SUN1: variants seen among roughly 807,000 people sequenced by gnomAD.
The protein encoded by SUN1 is Sad1 and UNC84 domain containing 1.
SUN1 carries 61 observed loss-of-function variants against 103.2 expected under a neutral mutation model. That is an observed-to-expected ratio of 0.59 (90% CI 0.48 to 0.73). SUN1 has a LOEUF of 0.73. Ranked by LOEUF, SUN1 falls within the 30% of genes least tolerant of loss-of-function variation. SUN1 has a pLI of 0.00. For missense variants in SUN1, 1,052 were observed against 1,034.6 expected (o/e 1.02, Z -0.23); for synonymous variants, 490 against 425.7 (o/e 1.15, Z -1.86).
At chr7:866,694 C>G (rs1007732544) in intron 16 of SUN1, among the ~76,000 whole-genome samples, 1 of 132,412 alleles carries the variant, frequency 7.6e-6, no homozygotes. Context: ...TGTCTCCCCA[C>G]CATCTCCGTG....
chr7:866,366 G>A (rs1836573640), intron 16 of SUN1, among the ~76,000 whole-genome samples: 2 of 152,162 alleles, frequency 1.3e-5, no homozygotes, highest in Admixed American at 1.3e-4. Context: ...TGTTGTGAGT[G>A]GCAGCTGTTC....
In SUN1 at chr7:860,486, G is replaced by A. The variant is rs1452835272; in HGVS notation, c.1779+104G>A. On this transcript the variant is annotated intron_variant, in intron 14 of 18. Transcript: ENST00000401592. ...ATGTTGATGTCTTGTTTTAAGAGTG[G>A]TCTGGCTGGGGTGTGCTTAGCTGAC... The A allele has an allele frequency of 9.1e-6, 14 of 1,536,692 alleles. No individual in the cohort carries two copies. In the Admixed American group the frequency reaches 2.5e-4, roughly 28 times the overall value.
At chr7:838,231 A>G (rs1353112463) in intron 1 of SUN1, among the ~76,000 whole-genome samples, 1 of 152,118 alleles carries the variant, frequency 6.6e-6, no homozygotes, top group Non-Finnish European at 1.5e-5. Context: ...CTTTTTATTT[A>G]ATTACATTAG....
chr7:854,793 C>A, intron 10 of SUN1, 127 bp from the exon 11 acceptor site: 1 of 648,586 alleles, frequency 1.5e-6, no homozygotes. Flanking sequence ...CCTTTAGGGT[C>A]CGTGCCACAT....
chr7:853,569 C>T lies in SUN1; in HGVS notation c.1214C>T (p.Ala405Val), dbSNP rs749218080. 1 of 1,610,300 alleles carries T rather than the reference C, an allele frequency of 6.2e-7. No homozygotes were observed. The highest frequency in any genetic ancestry group is 1.7e-5 in the Admixed American group (1 of 60,018). ...ARVDQMEGGA[A>V]GPSASVRDAV... ...GTGGACCAGATGGAAGGCGGCGCTG[C>T]CGGGCCGTCAGCTTCGGTCAGAGAC... The change falls in exon 10 of 19, where the codon GCC (alanine) becomes GTC (valine). Residue 405 changes from alanine to valine, a missense_variant. Around this residue, in one of 2 missense-constraint regions of SUN1, gnomAD observed 846 missense variants for 774.5 expected, o/e 1.09. Coordinates refer to ENST00000401592, the MANE Select transcript of SUN1 (RefSeq NM_001130965.3).
chr7:872,498 G>A lies in SUN1; in HGVS notation c.2177G>A (p.Gly726Glu). 1.2e-6 allele frequency: 2 copies of A among 1,605,114 alleles called. No homozygotes were observed. The highest frequency in any genetic ancestry group is 1.3e-5 in the African/African-American group (1 of 74,970). The change falls in exon 18 of 19, where the codon GGG becomes GAG. Residue 726 changes from glycine (G) to glutamate (E), a missense_variant. Gly to Glu is a moderately conservative substitution (Grantham distance 98). Transcript: ENST00000401592. The stretch of plus-strand genomic sequence containing the variant: ...TTAGAAAATGAGTATCAGGAAGAAG[G>A]GCAGCTTCTGGGACAGTTCACGTAT... The part of the protein sequence containing the change: ...YGLENEYQEE[G>E]QLLGQFTYDQ...
intron 12 of SUN1, among the ~76,000 whole-genome samples, chr7:856,771 G>A (rs1331212747): frequency 2.6e-5 from 4 of 152,198 alleles, no homozygotes; most frequent in Non-Finnish European, 4.4e-5. Flanking sequence ...GCTCTGCACC[G>A]GGCCTCCGCT....
Position 860,274 on chromosome 7 carries a change from G to A in SUN1, c.1671G>A (p.Gln557=), listed in dbSNP as rs1831156300. ...CGATGCTGCGAGACCTGCAGCTGCA[G>A]ATCCTGCGGAACGTCACCCACCACG... ...LQTMLRDLQL[Q]ILRNVTHHVS... Residue 557 remains glutamine, a synonymous_variant, in exon 14 of 19, where the codon CAG becomes CAA. Transcript: ENST00000401592. The A allele has an allele frequency of 1.2e-6, 2 of 1,614,254 alleles. No homozygotes were observed. The highest frequency in any genetic ancestry group is 1.7e-6 in the Non-Finnish European group (2 of 1,180,052).
At chr7:818,989 G>A (rs554985980) in intron 1 of SUN1, among the ~76,000 whole-genome samples, 1 of 151,166 alleles carries the variant, frequency 6.6e-6, no homozygotes, top group Non-Finnish European at 1.5e-5. Flanking sequence ...TCAGCCTCCC[G>A]AATAGCTGGG....
intron 1 of SUN1, among the ~76,000 whole-genome samples, chr7:837,930 C>T (rs935808795): frequency 3.3e-5 from 5 of 152,268 alleles, no homozygotes; most frequent in African/African-American, 1.2e-4. Context: ...GGCTTCATAA[C>T]AGTCATCAGC....
chr7:853,765 G>A (rs963751973), intron 10 of SUN1, 147 bp downstream of exon 10: 26 of 894,470 alleles, frequency 2.9e-5, no homozygotes, highest in Admixed American at 1.6e-4. Flanking sequence ...TGAGAGCAGT[G>A]TGCCGGAGAG....
intron 18 of SUN1, among the ~76,000 whole-genome samples, 194 bp downstream of exon 18, chr7:872,756 A>C (rs1842615076): frequency 6.6e-6 from 1 of 152,310 alleles, no homozygotes; most frequent in Middle Eastern, 3.4e-3. Context: ...CCCGTGCTTC[A>C]TGCCCTGTGA....
At chr7:831,207 C>T (rs527811917), upstream of SUN1, among the ~76,000 whole-genome samples, 69 of 151,724 alleles carry the variant, frequency 4.5e-4, no homozygotes, top group Admixed American at 2.0e-3. Context: ...CTGGACTTGC[C>T]GAGCCTGTGT....
rs373928196 is a variant in SUN1, at chr7:873,317, G to A, written c.2344G>A (p.Glu782Lys). ...TCLYRFRVHGEPVK is the reference protein window; with the variant it reads ...TCLYRFRVHGKPVK ...TCTGTATCGGTTCAGAGTTCATGGC[G>A]AACCTGTCAAGTGAAGACACTACTC... Residue 782 changes from glutamate (E) to lysine (K), a missense_variant, in exon 19 of 19, where the codon GAA becomes AAA. Physicochemically the swap from Glu to Lys is moderately conservative, Grantham distance 56. This residue lies in a region of SUN1 where 206 missense variants were observed against 260.1 expected (regional missense o/e 0.79). Coordinates refer to ENST00000401592, the MANE Select transcript of SUN1 (RefSeq NM_001130965.3). The A allele has an allele frequency of 6.3e-5, 102 of 1,614,054 alleles. No homozygotes were observed. The highest frequency in any genetic ancestry group is 5.1e-4 in the East Asian group (23 of 44,894).
chr7:849,578 C>T, intron 5 of SUN1: 1 of 1,431,894 alleles, frequency 7.0e-7, no homozygotes, highest in South Asian at 1.1e-5. Flanking sequence ...AGGATGGCCA[C>T]CTCAGTGTAA....
At chr7:861,920 G>A (rs1384947169) in intron 15 of SUN1, among the ~76,000 whole-genome samples, 3 of 152,224 alleles carry the variant, frequency 2.0e-5, no homozygotes, top group African/African-American at 4.8e-5. Context: ...AGGCCGCTGT[G>A]GTCGGGGTTT....
chr7:819,924 C>A (rs978296004), intron 1 of SUN1, among the ~76,000 whole-genome samples: 3 of 152,008 alleles, frequency 2.0e-5, no homozygotes, highest in African/African-American at 7.2e-5. Context: ...GGCTGGCTGG[C>A]CTTGAACTCC....
chr7:831,947 A>G (rs1196582403), upstream of SUN1: 1 of 724,024 alleles, frequency 1.4e-6, no homozygotes, highest in Non-Finnish European at 1.7e-6. Context: ...TTCTAACCTA[A>G]AAAATATCCT....
At position 847,926 on chromosome 7, in the gene SUN1, C is replaced by T. The variant is rs148599760; in HGVS notation, c.659-3458C>T. ...ATCCCCTGGGGGTTACTCCACAGTC[C>T]AGTCTCCGGGATCCCCTGGGGGTTA... On this transcript the variant is annotated intron_variant, in intron 5 of 18. Transcript: ENST00000401592. 5.4e-3 allele frequency among the ~76,000 whole-genome samples: 814 copies of T among 150,272 alleles called. 4 individuals carry two copies. Among genetic ancestry groups the T allele is most frequent in the Non-Finnish European group, 8.6e-3 (574 of 66,812 alleles).
Sources: allele counts gnomAD v4.1 joint callset (sites outside exome capture counted in the v4.1 genomes callset), GRCh38; gene constraint gnomAD v4.1.1; regional missense constraint gnomAD v4.1.1; transcripts MANE v1.5; gene names NCBI Gene and HGNC (gene_info 2026-07-23, HGNC 2026-07-21).